The following KIF7 variants were observed in gnomAD, a reference collection of about 807,000 sequenced individuals.
KIF7 encodes kinesin-like protein KIF7.
KIF7 carries 104 observed loss-of-function variants against 135.7 expected under a neutral mutation model. The ratio of observed to expected loss-of-function variants is 0.77; its 90% CI spans 0.65 to 0.90. The LOEUF (loss-of-function observed/expected upper bound fraction) is 0.90. KIF7 is among the 40% of genes least tolerant of loss of function. The pLI is 0.00. For synonymous variants in KIF7, 883 were observed against 809.4 expected (o/e 1.09, Z -1.54); for missense variants, 2,005 against 1,839.1 (o/e 1.09, Z -1.65).
intron 11 of KIF7, among the ~76,000 whole-genome samples, chr15:89,637,424 G>C (rs1240338105): frequency 1.3e-5 from 2 of 151,816 alleles, no homozygotes; most frequent in Admixed American, 1.3e-4. Flanking sequence ...AAAATTGATA[G>C]ACCACTAGCA....
At position 89,642,631 on chromosome 15, in the gene KIF7, G is replaced by A. The variant is rs557389771; in HGVS notation, c.2192-226C>T. 8.5e-5 allele frequency among the ~76,000 whole-genome samples: 13 copies of A among 152,308 alleles called. No individual in the cohort carries two copies. In the South Asian group the frequency reaches 1.2e-3, roughly 15 times the overall value. ...TTTGCCCAGGCTGGAGTGCAGTGGCGCAATCTTGGCTCAGTGCAACCTCCG... is the reference window on the plus strand; with the variant it reads ...TTTGCCCAGGCTGGAGTGCAGTGGCACAATCTTGGCTCAGTGCAACCTCCG... On this transcript the variant is annotated intron_variant, in intron 10 of 18. Transcript: ENST00000394412.
Position 89,629,482 on chromosome 15 carries a change from C to G in KIF7, c.3410G>C (p.Trp1137Ser). 2 of 1,611,390 alleles carry G rather than the reference C, an allele frequency of 1.2e-6. No homozygotes were observed. The highest frequency in any genetic ancestry group is 1.7e-6 in the Non-Finnish European group (2 of 1,179,986). ...QLEEQQRLVY[W>S]LEVALERQRL... ...CTGCCGCTCCAGGGCCACCTCCAGC[C>G]AGTACACCAGCCTCTGCTGCTCCTC... The change falls in exon 17 of 19, where the codon TGG becomes TCG. Residue 1137 changes from tryptophan to serine, a missense_variant. By Grantham distance (177) the Trp-to-Ser change is radical. Coordinates refer to ENST00000394412, the MANE Select transcript of KIF7 (RefSeq NM_198525.3).
chr15:89,647,362 C>A (rs764737114), intron 6 of KIF7, among the ~76,000 whole-genome samples: 6 of 152,174 alleles, frequency 3.9e-5, no homozygotes, highest in African/African-American at 9.7e-5. Flanking sequence ...CCTGTCCCCT[C>A]TCCCGTCCAA....
chr15:89,646,559 C>T (rs1267347976), intron 7 of KIF7, among the ~76,000 whole-genome samples: 2 of 152,128 alleles, frequency 1.3e-5, no homozygotes, highest in Admixed American at 6.5e-5. Flanking sequence ...CACCCGATGC[C>T]GGAAGCCTGA....
chr15:89,645,186 A>G (rs1338743501), intron 9 of KIF7, 21 bp from the exon 10 acceptor site: 5 of 1,605,096 alleles, frequency 3.1e-6, no homozygotes, highest in African/African-American at 2.7e-5. Context: ...CAGCCTGTCA[A>G]GGTTGCTGCC....
intron 2 of KIF7, 101 bp downstream of exon 2, chr15:89,652,502 C>A: frequency 1.1e-6 from 1 of 939,964 alleles, no homozygotes; most frequent in Non-Finnish European, 1.6e-6. Flanking sequence ...CCCCAGCATC[C>A]CCACCTTCCA....
In KIF7 at chr15:89,649,954, C is replaced by A. The variant is rs771408124; in HGVS notation, c.329-13G>T. 1 of 1,548,888 alleles carries A rather than the reference C, an allele frequency of 6.5e-7. No homozygotes were observed. The highest frequency in any genetic ancestry group is 2.4e-5 in the East Asian group (1 of 40,894). ...TCAAGGAGGGAGGCTGGGGAGACAC[C>A]GCAGGGCCTCCTGCCACTTCAGCTG... On this transcript the variant is annotated splice_polypyrimidine_tract_variant and intron_variant, in intron 2 of 18. Transcript: ENST00000394412.
upstream of KIF7, among the ~76,000 whole-genome samples, chr15:89,660,024 C>T (rs1964242634): frequency 6.6e-6 from 1 of 152,110 alleles, no homozygotes; most frequent in South Asian, 2.1e-4. Flanking sequence ...TGCTGAAAAC[C>T]CATCTCTACT....
rs773479675 is a variant in KIF7, at chr15:89,628,560, C to T, written c.3891G>A (p.Glu1297=). 2 of 1,613,412 alleles carry T rather than the reference C, an allele frequency of 1.2e-6. No homozygotes were observed. The highest frequency in any genetic ancestry group is 1.7e-6 in the Non-Finnish European group (2 of 1,179,962). The part of the protein sequence containing the change: ...QGSPEELRQR[E]AAEPLVGRVL... ...CCCGCCCCACCAGGGGCTCAGCCGC[C>T]TCCCGCTGCCTCAGTTCCTCGGGGG... The change falls in exon 19 of 19, where the codon GAG becomes GAA. Residue 1297 remains glutamate, a synonymous_variant. Transcript: ENST00000394412.
downstream of KIF7, among the ~76,000 whole-genome samples, chr15:89,626,544 C>T (rs1036895142): frequency 6.6e-6 from 1 of 152,192 alleles, no homozygotes. Flanking sequence ...GGCCTGTTAA[C>T]TGCCCTGGTT....
chr15:89,646,930 G>A lies in KIF7; in HGVS notation c.1688C>T (p.Pro563Leu). 1 of 1,614,006 alleles carries A rather than the reference G, an allele frequency of 6.2e-7. No individual in the cohort carries two copies. Among genetic ancestry groups the A allele is most frequent in the Non-Finnish European group, 8.5e-7 (1 of 1,179,998 alleles). The change falls in exon 7 of 19, where the codon CCT (proline) becomes CTT (leucine). Residue 563 changes from proline (P) to leucine (L), a missense_variant. Physicochemically the swap from Pro to Leu is moderately conservative, Grantham distance 98. Transcript: ENST00000394412. ...GLPPGSFVPR[P>L]HTAPLGGAHA... ...GGCACCCCCCAGGGGGGCTGTATGA[G>A]GTCGAGGCACAAAGGACCCGGGAGG...
intron 8 of KIF7, 86 bp from the exon 9 acceptor site, chr15:89,645,537 C>A: frequency 9.5e-7 from 1 of 1,054,204 alleles, no homozygotes; most frequent in Non-Finnish European, 1.4e-6. Context: ...AGAAGAGAGG[C>A]CACCGGGTCT....
intron 11 of KIF7, among the ~76,000 whole-genome samples, chr15:89,640,321 T>G (rs948105263): frequency 6.6e-6 from 1 of 151,832 alleles, no homozygotes. Context: ...ATAATAATAA[T>G]AACAGTATAC....
At chr15:89,633,599 G>A in intron 12 of KIF7, 87 bp downstream of exon 12, 1 of 1,451,048 alleles carries the variant, frequency 6.9e-7, no homozygotes. Context: ...GCTGTGGGTT[G>A]CAAACCCTGC....
intron 15 of KIF7, 103 bp from the exon 16 acceptor site, chr15:89,630,596 G>A: frequency 1.0e-6 from 1 of 986,050 alleles, no homozygotes; most frequent in East Asian, 2.6e-5. Flanking sequence ...TGGGCCTTAA[G>A]GGTCCCCTCG....
chr15:89,661,395 T>C, the KIF7 span, among the ~76,000 whole-genome samples: 1 of 152,100 alleles, frequency 6.6e-6, no homozygotes, highest in Non-Finnish European at 1.5e-5. Flanking sequence ...AGTAAATCTA[T>C]AAAGAAAAGC....
At position 89,646,949 on chromosome 15, in the gene KIF7, C is replaced by T. The variant is rs780740523; in HGVS notation, c.1669G>A (p.Gly557Arg). The T allele has an allele frequency of 2.5e-6, 4 of 1,613,658 alleles. No homozygotes were observed. Among genetic ancestry groups the T allele is most frequent in the South Asian group, 2.2e-5 (2 of 91,072 alleles). ...GTATGAGGTCGAGGCACAAAGGACC[C>T]GGGAGGCAGGCCATTCAGGAGCCGC... is the stretch of plus-strand genomic sequence containing the variant. ...GPRLLNGLPP[G>R]SFVPRPHTAP... is the part of the protein sequence containing the mutation. The change falls in exon 7 of 19, where the codon GGG becomes AGG. Residue 557 changes from glycine (G) to arginine (R), a missense_variant. By Grantham distance (125) the Gly-to-Arg change is moderately radical. Coordinates refer to ENST00000394412, the MANE Select transcript of KIF7 (RefSeq NM_198525.3).
intron 7 of KIF7, among the ~76,000 whole-genome samples, chr15:89,646,575 C>T (rs1488379397): frequency 2.0e-5 from 3 of 152,188 alleles, no homozygotes; most frequent in African/African-American, 7.2e-5. Context: ...CCTGAACCCC[C>T]TCTGTAACCT....
chr15:89,646,599 G>C (rs768728691), intron 7 of KIF7, among the ~76,000 whole-genome samples: 2 of 152,132 alleles, frequency 1.3e-5, no homozygotes, highest in African/African-American at 2.4e-5. Flanking sequence ...CATTCCAAGC[G>C]ATCTTCAGCT....
Sources: gnomAD v4.1 joint callset for allele counts (sites outside exome capture counted in the v4.1 genomes callset) on GRCh38, gnomAD v4.1.1 for gene constraint, MANE v1.5 for transcripts, NCBI Gene and HGNC (gene_info 2026-07-23, HGNC 2026-07-21) for gene names.